The following RBM27 variants were observed in gnomAD, a reference collection of about 807,000 sequenced individuals.
The protein encoded by RBM27 is RNA-binding protein 27.
In RBM27, 22 loss-of-function variants were observed where a neutral mutation model predicts 135.3. The observed-to-expected ratio is 0.16, with a 90% CI of 0.12 to 0.23. RBM27 has a LOEUF of 0.23. RBM27 is among the 10% of genes least tolerant of loss of function. RBM27 has a pLI of 1.00. For missense variants in RBM27, 1,009 were observed against 1,281.0 expected, an observed-to-expected ratio of 0.79 and a Z score of 3.24; for synonymous variants, 481 against 442.4, an observed-to-expected ratio of 1.09 and a Z score of -1.10.
Position 146,254,935 on chromosome 5 carries a change from T to C in RBM27, c.1445-8T>C. The C allele has an allele frequency of 1.3e-6, 2 of 1,546,910 alleles. No homozygotes were observed. The highest frequency in any genetic ancestry group is 2.3e-5 in the East Asian group (1 of 43,606). On this transcript the variant is annotated splice_region_variant and splice_polypyrimidine_tract_variant and intron_variant, in intron 9 of 20. Coordinates refer to ENST00000265271, the MANE Select transcript of RBM27 (RefSeq NM_018989.2). ...TGTTGTGTGTTTTGTTGCTTTGTTT[T>C]CCCTCAGATACATATGAACCAGATG...
At chr5:146,259,967 G>A (rs1433781519) in intron 11 of RBM27, among the ~76,000 whole-genome samples, 25 of 104,366 alleles carry the variant, frequency 2.4e-4, no homozygotes, top group Admixed American at 4.1e-4. Flanking sequence ...GCGACAGAGC[G>A]AGACTCCGTC....
At chr5:146,267,322 G>A (rs1758657119) in intron 14 of RBM27, among the ~76,000 whole-genome samples, 1 of 152,150 alleles carries the variant, frequency 6.6e-6, no homozygotes, top group Admixed American at 6.5e-5. Context: ...AGTTTGGATA[G>A]CATTCATATT....
rs190945783 is a variant in RBM27, at chr5:146,285,560, T to G, written c.3100-387T>G. Among the ~76,000 whole-genome samples, 381 of 152,192 alleles carry G rather than the reference T, an allele frequency of 2.5e-3. 4 individuals carry two copies. Among genetic ancestry groups the G allele is most frequent in the African/African-American group, 8.9e-3 (368 of 41,566 alleles). On this transcript the variant is annotated intron_variant, in intron 20 of 20. Transcript: ENST00000265271. Reference sequence around the variant, plus strand: ...AGTATATTCACCTCTCACAAACAATTGGATGGATATAAAAACAAAGATTTA... The same window carrying G: ...AGTATATTCACCTCTCACAAACAATGGGATGGATATAAAAACAAAGATTTA...
intron 2 of RBM27, among the ~76,000 whole-genome samples, chr5:146,220,489 A>AAATAT (rs1554078215): frequency 9.5e-6 from 1 of 104,918 alleles, no homozygotes; most frequent in Non-Finnish European, 2.1e-5. Flanking sequence ...AAAAAAAAAA[A>AAATAT]ATATATATAT....
chr5:146,222,741 AT>A (rs1028524623), intron 2 of RBM27, among the ~76,000 whole-genome samples: 3 of 152,228 alleles, frequency 2.0e-5, no homozygotes, highest in Non-Finnish European at 4.4e-5. Flanking sequence ...CTTTTACTAA[AT>A]TCATCTGGTT....
intron 19 of RBM27, among the ~76,000 whole-genome samples, chr5:146,273,490 T>C (rs1380189971): frequency 1.3e-5 from 2 of 152,192 alleles, no homozygotes; most frequent in Non-Finnish European, 2.9e-5. Context: ...CTTCCTTTGA[T>C]TTGGATGGCT....
intron 19 of RBM27, among the ~76,000 whole-genome samples, chr5:146,281,259 A>G (rs1581247760): frequency 6.6e-6 from 1 of 152,294 alleles, no homozygotes; most frequent in African/African-American, 2.4e-5. Context: ...TCCTAAGTGC[A>G]AGGCTGTGAT....
chr5:146,253,595 GA>G (rs1757988942), intron 9 of RBM27, among the ~76,000 whole-genome samples: 1 of 152,070 alleles, frequency 6.6e-6, no homozygotes, highest in African/African-American at 2.4e-5. Context: ...GGAAGAGAAG[GA>G]ATGCCAACCA....
In RBM27 at chr5:146,286,295, C is replaced by T; in HGVS notation, c.*265C>T. On this transcript the variant is annotated 3_prime_UTR_variant, in exon 21 of 21. Transcript: ENST00000265271. ...CTCTAGAGCCTTATTTTCCACACCA[C>T]CTTTTTTTTGTTGCTGTTGGTGTTG... is the stretch of plus-strand genomic sequence containing the variant. 2 of 247,042 alleles carry T rather than the reference C, an allele frequency of 8.1e-6. No homozygotes were observed. The highest frequency in any genetic ancestry group is 7.9e-5 in the East Asian group (1 of 12,606). The allele number at this position is 247,042 out of a possible 1,614,324, so 15.3% of individuals were successfully genotyped here.
At chr5:146,212,473 T>C (rs1756008170) in intron 1 of RBM27, among the ~76,000 whole-genome samples, 1 of 151,874 alleles carries the variant, frequency 6.6e-6, no homozygotes, top group Non-Finnish European at 1.5e-5. Flanking sequence ...TTCAGCCTCC[T>C]GAGTAGCTGG....
intron 1 of RBM27, among the ~76,000 whole-genome samples, chr5:146,209,253 T>C (rs924663535): frequency 3.9e-5 from 6 of 152,204 alleles, no homozygotes; most frequent in African/African-American, 9.6e-5. Flanking sequence ...ATTTTGCTTA[T>C]TAATGTTAAA....
intron 9 of RBM27, among the ~76,000 whole-genome samples, chr5:146,253,539 T>G (rs1757982795): frequency 6.6e-6 from 1 of 151,926 alleles, no homozygotes; most frequent in Non-Finnish European, 1.5e-5. Flanking sequence ...TGTAATTCCA[T>G]GAGCTGTTTT....
chr5:146,221,147 C>CAA (rs77849788), intron 2 of RBM27, among the ~76,000 whole-genome samples: 1 of 84,140 alleles, frequency 1.2e-5, no homozygotes, highest in South Asian at 3.7e-4. Flanking sequence ...GACTCCATCT[C>CAA]AAAAAAAAAA....
At chr5:146,265,358 A>G (rs575748725) in intron 14 of RBM27, among the ~76,000 whole-genome samples, 19 of 152,314 alleles carry the variant, frequency 1.2e-4, no homozygotes, top group Non-Finnish European at 2.4e-4. Context: ...ATAGTTGACT[A>G]CTGCTGGTGT....
intron 2 of RBM27, 89 bp from the exon 3 acceptor site, chr5:146,223,314 G>A: frequency 1.6e-6 from 2 of 1,247,162 alleles, no homozygotes; most frequent in East Asian, 2.5e-5. Flanking sequence ...TGTACAAGAT[G>A]TCCTGTTTTC....
chr5:146,267,714 G>A lies in RBM27; in HGVS notation c.2397G>A (p.Lys799=). 1 of 1,608,288 alleles carries A rather than the reference G, an allele frequency of 6.2e-7. No homozygotes were observed. The highest frequency in any genetic ancestry group is 8.5e-7 in the Non-Finnish European group (1 of 1,177,168). The change falls in exon 15 of 21, where the codon AAG becomes AAA. Residue 799 remains lysine (K), a synonymous_variant. Transcript: ENST00000265271. ...CCTCAAACTTAAAGACACCTTCAAA[G>A]CTCTGTTCAGGGTCTAAATCTCATG... ...YSSSNLKTPS[K]LCSGSKSHDV...
At chr5:146,210,993 T>C (rs1755913475) in intron 1 of RBM27, among the ~76,000 whole-genome samples, 3 of 150,426 alleles carry the variant, frequency 2.0e-5, no homozygotes, top group African/African-American at 7.3e-5. Flanking sequence ...CCTAGTTGGC[T>C]GGGCATTGTG....
intron 7 of RBM27, 73 bp downstream of exon 7, chr5:146,233,816 C>G: frequency 9.3e-7 from 1 of 1,080,884 alleles, no homozygotes; most frequent in Non-Finnish European, 1.2e-6. Context: ...GCTAACTTGA[C>G]ACTCGTTTAA....
At chr5:146,271,400 CA>C (rs372110410) in intron 18 of RBM27, 82 bp from the exon 19 acceptor site, 179,092 of 953,196 alleles carry the variant, frequency 0.19, 43 homozygotes, top group South Asian at 0.22. Context: ...AATTCCATCT[CA>C]AAAAAAAAAA....
Sources: gnomAD v4.1 joint callset for allele counts (sites outside exome capture counted in the v4.1 genomes callset) on GRCh38, gnomAD v4.1.1 for gene constraint, MANE v1.5 for transcripts, NCBI Gene and HGNC (gene_info 2026-07-23, HGNC 2026-07-21) for gene names.